Variants in SPOPL observed in about 807,000 individuals in gnomAD.
SPOPL encodes speckle-type POZ protein-like.
In SPOPL, 23 loss-of-function variants were observed where a neutral mutation model predicts 53.8. The ratio of observed to expected loss-of-function variants is 0.43; its 90% CI spans 0.31 to 0.61. The LOEUF (loss-of-function observed/expected upper bound fraction) is 0.61, where lower values mean the gene tolerates loss of function less well. SPOPL is among the 20% of genes least tolerant of loss of function. The pLI, the probability that SPOPL is intolerant of heterozygous loss-of-function variation, is 0.12. For synonymous variants in SPOPL, 164 were observed against 149.7 expected (o/e 1.10, Z -0.70); for missense variants, 442 against 466.9 (o/e 0.95, Z 0.49).
chr2:138,550,198 A>C lies in SPOPL; in HGVS notation c.-19A>C, dbSNP rs1685283337. 1 of 1,611,890 alleles carries C rather than the reference A, an allele frequency of 6.2e-7. No individual in the cohort carries two copies. The highest frequency in any genetic ancestry group is 1.1e-5 in the South Asian group (1 of 90,928). ...TGTGGGGTACTACATAAATCCTGAAAGACTACAATAAAGTGGTGATGTCTC... is the reference window on the plus strand; with the variant it reads ...TGTGGGGTACTACATAAATCCTGAACGACTACAATAAAGTGGTGATGTCTC... On this transcript the variant is annotated 5_prime_UTR_variant, in exon 2 of 11. Coordinates refer to ENST00000280098, the MANE Select transcript of SPOPL (RefSeq NM_001001664.3).
rs1685768360 is a variant in SPOPL, at chr2:138,571,000, A to T, written c.*1920A>T. 6.6e-6 allele frequency: 1 copy of T among 152,164 alleles called. No individual in the cohort carries two copies. The highest frequency in any genetic ancestry group is 2.1e-4 in the South Asian group (1 of 4,832). 9.4% of individuals were successfully genotyped at this position (152,164 alleles called of 1,614,324 possible). A position where few individuals can be genotyped will look rare whatever the true frequency, so the allele number is the denominator to read the frequency against. On this transcript the variant is annotated 3_prime_UTR_variant, in exon 11 of 11. Transcript: ENST00000280098. ...GATTCTTACCTGGTGATGGAACTTC[A>T]TACTTCATCCTGTGTAAGAGTATTA...
At chr2:138,565,877 G>A (rs1685649891) in intron 10 of SPOPL, among the ~76,000 whole-genome samples, 1 of 151,358 alleles carries the variant, frequency 6.6e-6, no homozygotes, top group East Asian at 1.9e-4. Flanking sequence ...GGAACTACAG[G>A]CGCCCGCCAC....
intron 1 of SPOPL, among the ~76,000 whole-genome samples, chr2:138,515,463 C>T (rs1684418021): frequency 6.6e-6 from 1 of 152,168 alleles, no homozygotes; most frequent in Non-Finnish European, 1.5e-5. Context: ...ATAAATTTTA[C>T]CATTTCCTCA....
At position 138,568,947 on chromosome 2, in the gene SPOPL, A is replaced by G. The variant is rs1685722638; in HGVS notation, c.1046A>G (p.Asp349Gly). Residue 349 changes from aspartate to glycine, a missense_variant, in exon 11 of 11, where the codon GAC becomes GGC. Transcript: ENST00000280098. Reference protein sequence around the residue: ...GKNWNSNQATDIMETSGWKSM... With the variant: ...GKNWNSNQATGIMETSGWKSM... ...ATTCTATTTTTCAGCCAAGCAACCG[A>G]CATAATGGAAACATCAGGGTGGAAG... is the stretch of plus-strand genomic sequence containing the variant. 6.2e-7 allele frequency: 1 copy of G among 1,613,682 alleles called. No individual in the cohort carries two copies. Among genetic ancestry groups the G allele is most frequent in the African/African-American group, 1.3e-5 (1 of 74,926 alleles).
chr2:138,536,901 T>C (rs1332318603), intron 1 of SPOPL, among the ~76,000 whole-genome samples: 1 of 152,206 alleles, frequency 6.6e-6, no homozygotes, highest in African/African-American at 2.4e-5. Flanking sequence ...GGTATTTCTT[T>C]CCCAGTGTAT....
intron 1 of SPOPL, among the ~76,000 whole-genome samples, chr2:138,537,584 C>G (rs1181152764): frequency 6.6e-6 from 1 of 152,094 alleles, no homozygotes; most frequent in African/African-American, 2.4e-5. Flanking sequence ...AAATTGGGCA[C>G]AAGACAATAT....
chr2:138,563,645 A>G (rs951612200), intron 8 of SPOPL, among the ~76,000 whole-genome samples: 10 of 152,210 alleles, frequency 6.6e-5, no homozygotes, highest in African/African-American at 2.4e-4. Flanking sequence ...GACACGGAAA[A>G]ATTAGGGCTC....
intron 1 of SPOPL, among the ~76,000 whole-genome samples, chr2:138,513,592 C>A (rs1422280201): frequency 6.6e-6 from 1 of 151,716 alleles, no homozygotes; most frequent in African/African-American, 2.4e-5. Flanking sequence ...AAATTAGCCA[C>A]ATGTTGGTGT....
chr2:138,529,044 C>T (rs1207145121), intron 1 of SPOPL, among the ~76,000 whole-genome samples: 1 of 152,088 alleles, frequency 6.6e-6, no homozygotes, highest in East Asian at 1.9e-4. Context: ...TTTAGATAGC[C>T]CCTTCCTTAT....
intron 10 of SPOPL, among the ~76,000 whole-genome samples, chr2:138,566,906 G>A (rs1685672256): frequency 6.6e-6 from 1 of 152,174 alleles, no homozygotes; most frequent in Admixed American, 6.5e-5. Flanking sequence ...GGATATAGCT[G>A]AGTCTTAAAA....
chr2:138,548,884 TTA>T (rs1219604957), intron 1 of SPOPL, among the ~76,000 whole-genome samples: 1 of 152,154 alleles, frequency 6.6e-6, no homozygotes, highest in Non-Finnish European at 1.5e-5. Context: ...ATTTATTTAA[TTA>T]ACTATGAATT....
At chr2:138,532,420 C>CTTTTTTT (rs769229731) in intron 1 of SPOPL, among the ~76,000 whole-genome samples, 3 of 53,248 alleles carry the variant, frequency 5.6e-5, no homozygotes, top group Admixed American at 3.0e-4. Flanking sequence ...TTTTTGTTCG[C>CTTTTTTT]TTTTTTTTTT....
At chr2:138,520,287 A>C (rs1016427411) in intron 1 of SPOPL, among the ~76,000 whole-genome samples, 5 of 152,250 alleles carry the variant, frequency 3.3e-5, no homozygotes, top group Non-Finnish European at 7.3e-5. Flanking sequence ...TTTGTAGGCC[A>C]GTGCTCAAGT....
chr2:138,565,568 C>T (rs925707289), intron 10 of SPOPL, among the ~76,000 whole-genome samples: 1 of 147,040 alleles, frequency 6.8e-6, no homozygotes, highest in African/African-American at 2.6e-5. Context: ...ACTTTTTTCC[C>T]TTCTCTTACT....
intron 1 of SPOPL, among the ~76,000 whole-genome samples, chr2:138,514,307 G>A (rs1183280506): frequency 6.6e-6 from 1 of 152,164 alleles, no homozygotes; most frequent in Non-Finnish European, 1.5e-5. Flanking sequence ...AGGACAACTC[G>A]AAGCTGGGAG....
chr2:138,505,887 A>G (rs1684206415), intron 1 of SPOPL, among the ~76,000 whole-genome samples: 1 of 152,230 alleles, frequency 6.6e-6, no homozygotes, highest in Non-Finnish European at 1.5e-5. Context: ...ACTTTTAGAC[A>G]GAAACCTAAA....
intron 1 of SPOPL, among the ~76,000 whole-genome samples, chr2:138,511,931 T>C (rs568316745): frequency 6.6e-6 from 1 of 152,278 alleles, no homozygotes; most frequent in South Asian, 2.1e-4. Flanking sequence ...TTCTCTTCTG[T>C]AAAATGGAAA....
intron 1 of SPOPL, among the ~76,000 whole-genome samples, chr2:138,517,916 C>T (rs1018689728): frequency 2.0e-5 from 3 of 151,206 alleles, no homozygotes; most frequent in South Asian, 2.1e-4. Context: ...GGTGTGGTGG[C>T]GCACACCTGT....
chr2:138,503,213 G>T (rs892158601), intron 1 of SPOPL, among the ~76,000 whole-genome samples: 2 of 152,072 alleles, frequency 1.3e-5, no homozygotes, highest in African/African-American at 4.8e-5. Flanking sequence ...CTAGAGCTCA[G>T]ACTAGTATAT....
Sources: allele counts gnomAD v4.1 joint callset (sites outside exome capture counted in the v4.1 genomes callset), GRCh38; gene constraint gnomAD v4.1.1; transcripts MANE v1.5; gene names NCBI Gene and HGNC (gene_info 2026-07-23, HGNC 2026-07-21).